Variants in RGR observed in about 807,000 individuals in gnomAD.
RGR encodes the protein retinal G protein coupled receptor, also known as RPE-retinal G protein-coupled receptor.
RGR carries 30 observed loss-of-function variants against 28.6 expected under a neutral mutation model. That is an observed-to-expected ratio of 1.05 (90% confidence interval 0.78 to 1.42). RGR has a LOEUF of 1.42. Among genes scored for constraint, RGR ranks in the 40% most tolerant of loss-of-function variants. The pLI, the probability that RGR is intolerant of heterozygous loss-of-function variation, is 0.00. For synonymous variants in RGR, 180 were observed against 156.4 expected, an observed-to-expected ratio of 1.15 and a Z score of -1.13; for missense variants, 404 against 375.6, an observed-to-expected ratio of 1.08 and a Z score of -0.62.
chr10:84,250,144 A>C (rs755441580), intron 3 of RGR, among the ~76,000 whole-genome samples: 8 of 152,186 alleles, frequency 5.3e-5, no homozygotes, highest in Non-Finnish European at 8.8e-5. Flanking sequence ...GAAGTTAAGC[A>C]GCTTGCCTCG....
At chr10:84,252,557 A>G (rs1231853664) in intron 3 of RGR, among the ~76,000 whole-genome samples, 3 of 152,222 alleles carry the variant, frequency 2.0e-5, no homozygotes, top group Admixed American at 6.5e-5. Context: ...TGGGGCTCAA[A>G]GAAGCTCTTC....
At position 84,245,172 on chromosome 10, in the gene RGR, G is replaced by A. The variant is rs1466301793; in HGVS notation, c.79+3G>A. On this transcript the variant is annotated splice_donor_region_variant and intron_variant, in intron 1 of 6. Transcript: ENST00000652092. ...GGGGATGGTGCTACTGGTGGAAGGT[G>A]AGCCAGGCAGAACCTGGGGTGCAGC... 2.5e-6 allele frequency: 4 copies of A among 1,612,092 alleles called. No homozygotes were observed. Among genetic ancestry groups the A allele is most frequent in the Non-Finnish European group, 3.4e-6 (4 of 1,179,332 alleles).
Position 84,259,039 on chromosome 10 carries a change from C to A in RGR, c.*400C>A. On this transcript the variant is annotated 3_prime_UTR_variant, in exon 7 of 7. Coordinates refer to ENST00000652092, the MANE Select transcript of RGR (RefSeq NM_001012720.2). ...TCCCTCACCCCCTCCCACCTTGTCACCCTTCTGAGTCTCCAATGTCTATTA... is the reference window on the plus strand; with the variant it reads ...TCCCTCACCCCCTCCCACCTTGTCAACCTTCTGAGTCTCCAATGTCTATTA... The A allele has an allele frequency of 3.4e-6, 1 of 291,382 alleles. No homozygotes were observed. The highest frequency in any genetic ancestry group is 3.5e-5 in the South Asian group (1 of 28,344). 18.0% of individuals were successfully genotyped at this position (291,382 alleles called of 1,614,324 possible). A position where few individuals can be genotyped will look rare whatever the true frequency, so the allele number is the denominator to read the frequency against.
At position 84,247,616 on chromosome 10, in the gene RGR, C is replaced by G; in HGVS notation, c.105C>G (p.Thr35=). 1 of 1,614,180 alleles carries G rather than the reference C, an allele frequency of 6.2e-7. No homozygotes were observed. Among genetic ancestry groups the G allele is most frequent in the Non-Finnish European group, 8.5e-7 (1 of 1,180,036 alleles). The change falls in exon 2 of 7, where the codon ACC becomes ACG. Residue 35 remains threonine, a synonymous_variant. Coordinates refer to ENST00000652092, the MANE Select transcript of RGR (RefSeq NM_001012720.2). ...CTCTCTCCGGTCTCAGCCTCAATAC[C>G]CTGACCATCTTCTCTTTCTGCAAGA... The part of the protein sequence containing the change: ...VEALSGLSLN[T]LTIFSFCKTP...
chr10:84,257,982 T>G lies in RGR; in HGVS notation c.720T>G (p.Thr240=). The change falls in exon 6 of 7, where the codon ACT becomes ACG. Residue 240 remains threonine, a synonymous_variant. Coordinates refer to ENST00000652092, the MANE Select transcript of RGR (RefSeq NM_001012720.2). ...TATACGCAGTCATCGCAGACGTGACTTCCATCTCCCCCAAACTGCAGATGG... is the reference window on the plus strand; with the variant it reads ...TATACGCAGTCATCGCAGACGTGACGTCCATCTCCCCCAAACTGCAGATGG... ...LYLYAVIADV[T]SISPKLQMVP... 1 of 1,614,186 alleles carries G rather than the reference T, an allele frequency of 6.2e-7. No homozygotes were observed. The highest frequency in any genetic ancestry group is 8.5e-7 in the Non-Finnish European group (1 of 1,180,028).
intron 5 of RGR, 64 bp downstream of exon 5, chr10:84,254,507 G>A (rs1842860145): frequency 3.7e-6 from 5 of 1,351,070 alleles, no homozygotes; most frequent in African/African-American, 2.9e-5. Flanking sequence ...TTGGTGTCCC[G>A]AACAAAGAAT....
intron 1 of RGR, 146 bp from the exon 2 acceptor site, chr10:84,247,445 G>C (rs1842760126): frequency 7.1e-6 from 7 of 992,074 alleles, no homozygotes; most frequent in Admixed American, 1.7e-5. Flanking sequence ...GATTATGACT[G>C]TTATAGCATG....
chr10:84,247,443 C>T, intron 1 of RGR, 148 bp from the exon 2 acceptor site: 1 of 974,908 alleles, frequency 1.0e-6, no homozygotes, highest in Admixed American at 1.7e-5. Context: ...GTGATTATGA[C>T]TGTTATAGCA....
At chr10:84,258,143 G>A in intron 6 of RGR, 137 bp downstream of exon 6, 1 of 862,888 alleles carries the variant, frequency 1.2e-6, no homozygotes, top group Non-Finnish European at 1.9e-6. Context: ...TACTCACAAG[G>A]CATAGAGCAT....
intron 5 of RGR, chr10:84,255,125 G>A (rs1023774062): frequency 1.3e-5 from 2 of 156,068 alleles, no homozygotes; most frequent in Non-Finnish European, 2.8e-5. Flanking sequence ...GTAATTTCTC[G>A]TTTCCTCTCA....
In RGR at chr10:84,258,674, G is replaced by A; in HGVS notation, c.*35G>A. ...CCTGGAGTGAGCCCCAGGCCAGGAG[G>A]CTGTTCCAGGAGTCCTGCCCAGCAG... On this transcript the variant is annotated 3_prime_UTR_variant, in exon 7 of 7. Coordinates refer to ENST00000652092, the MANE Select transcript of RGR (RefSeq NM_001012720.2). 1 of 1,613,406 alleles carries A rather than the reference G, an allele frequency of 6.2e-7. No individual in the cohort carries two copies. The highest frequency in any genetic ancestry group is 1.1e-5 in the South Asian group (1 of 91,066).
chr10:84,258,443 AG>A, intron 6 of RGR, 64 bp from the exon 7 acceptor site: 12 of 1,613,018 alleles, frequency 7.4e-6, no homozygotes, highest in Non-Finnish European at 1.0e-5. Flanking sequence ...CGGGGTCACC[AG>A]GTGAGACCAG....
At chr10:84,245,918 A>G (rs1242360520) in intron 1 of RGR, among the ~76,000 whole-genome samples, 2 of 152,216 alleles carry the variant, frequency 1.3e-5, no homozygotes. Context: ...TGGAGAACGC[A>G]GCTTTGGTTC....
At chr10:84,251,699 T>C (rs1007989927) in intron 3 of RGR, among the ~76,000 whole-genome samples, 5 of 152,216 alleles carry the variant, frequency 3.3e-5, no homozygotes, top group African/African-American at 9.7e-5. Flanking sequence ...GCATGCAGCA[T>C]GTCCAGCTAA....
chr10:84,254,782 C>G (rs902211704), intron 5 of RGR, among the ~76,000 whole-genome samples: 5 of 152,198 alleles, frequency 3.3e-5, no homozygotes, highest in African/African-American at 1.2e-4. Flanking sequence ...TTGCCTGTCA[C>G]CTCCATCCCA....
intron 5 of RGR, among the ~76,000 whole-genome samples, chr10:84,256,035 CTTTG>C (rs1411160753): frequency 2.8e-4 from 12 of 42,332 alleles, no homozygotes; most frequent in Non-Finnish European, 1.6e-4. Flanking sequence ...TTTTTTTTTT[CTTTG>C]TTTCTTTTTT....
In RGR at chr10:84,254,947, C is replaced by T. The variant is rs141371518; in HGVS notation, c.630+504C>T. Among the ~76,000 whole-genome samples the T allele has an allele frequency of 1.2e-4, 19 of 152,318 alleles. No homozygotes were observed. The East Asian group carries it at 2.3e-3, about 19-fold the overall frequency. ...ACAGGTTTGGTCCAGACCTAGCTGGCCACAGGAGCTTCTTACTCACTTTTT... is the reference window on the plus strand; with the variant it reads ...ACAGGTTTGGTCCAGACCTAGCTGGTCACAGGAGCTTCTTACTCACTTTTT... On this transcript the variant is annotated intron_variant, in intron 5 of 6. Coordinates refer to ENST00000652092, the MANE Select transcript of RGR (RefSeq NM_001012720.2).
rs1842731249 is a variant in RGR, at chr10:84,245,118, G to A, written c.28G>A (p.Gly10Ser). MAETSALPT[G>S]FGELEVLAVG... Reference sequence around the variant, plus strand: ...GGCAGAGACCAGTGCCCTGCCCACTGGCTTCGGGGAGCTCGAGGTGCTGGC... The same window carrying A: ...GGCAGAGACCAGTGCCCTGCCCACTAGCTTCGGGGAGCTCGAGGTGCTGGC... The change falls in exon 1 of 7, where the codon GGC becomes AGC. Residue 10 changes from glycine (G) to serine (S), a missense_variant. Gly to Ser is a moderately conservative substitution (Grantham distance 56, BLOSUM62 0). Coordinates refer to ENST00000652092, the MANE Select transcript of RGR (RefSeq NM_001012720.2). The A allele has an allele frequency of 5.6e-6, 9 of 1,613,426 alleles. No individual in the cohort carries two copies. Among genetic ancestry groups the A allele is most frequent in the South Asian group, 4.4e-5 (4 of 91,028 alleles).
Position 84,253,008 on chromosome 10 carries a change from C to G in RGR, c.510C>G (p.Asp170Glu). ...TCCTLDYSKGDRNFTSFLFTM... is the reference protein window; with the variant it reads ...TCCTLDYSKGERNFTSFLFTM... ...GCACCCTGGACTACTCCAAGGGGGA[C>G]AGGTGAGGTGGGAGGAGCAGCTTCG... Residue 170 changes from aspartate to glutamate, a missense_variant and splice_region_variant, in exon 4 of 7, where the codon GAC (aspartate) becomes GAG (glutamate). Coordinates refer to ENST00000652092, the MANE Select transcript of RGR (RefSeq NM_001012720.2). 1 of 1,613,310 alleles carries G rather than the reference C, an allele frequency of 6.2e-7. No homozygotes were observed. The highest frequency in any genetic ancestry group is 8.5e-7 in the Non-Finnish European group (1 of 1,179,984).
Sources: allele counts gnomAD v4.1 joint callset (sites outside exome capture counted in the v4.1 genomes callset), GRCh38; gene constraint gnomAD v4.1.1; transcripts MANE v1.5; gene names NCBI Gene and HGNC (gene_info 2026-07-23, HGNC 2026-07-21).